The following CDK19 variants were observed in gnomAD, a reference collection of about 807,000 sequenced individuals.
The protein encoded by CDK19 is cyclin-dependent kinase 19.
CDK19 carries 20 observed loss-of-function variants against 68.3 expected under a neutral mutation model. The ratio of observed to expected loss-of-function variants is 0.29; its 90% CI spans 0.21 to 0.43. The LOEUF (loss-of-function observed/expected upper bound fraction) is 0.43. Ranked by LOEUF, CDK19 falls within the 20% of genes least tolerant of loss-of-function variation. CDK19 has a pLI of 1.00. For missense variants in CDK19, 339 were observed against 623.5 expected, an observed-to-expected ratio of 0.54 and a Z score of 4.86; for synonymous variants, 221 against 222.8, an observed-to-expected ratio of 0.99 and a Z score of 0.07.
chr6:110,764,324 T>C (rs1583048210), intron 1 of CDK19, among the ~76,000 whole-genome samples: 1 of 152,166 alleles, frequency 6.6e-6, no homozygotes, highest in Admixed American at 6.5e-5. Context: ...AAGAACAAAG[T>C]TGGAAGACTG....
intron 4 of CDK19, among the ~76,000 whole-genome samples, chr6:110,660,462 T>C (rs1486179693): frequency 3.3e-5 from 5 of 152,036 alleles, no homozygotes; most frequent in African/African-American, 7.3e-5. Flanking sequence ...CAGTGGAGGG[T>C]TGGTGTGACA....
chr6:110,617,016 G>T (rs1778356642), intron 12 of CDK19, among the ~76,000 whole-genome samples: 1 of 152,022 alleles, frequency 6.6e-6, no homozygotes, highest in Non-Finnish European at 1.5e-5. Flanking sequence ...TCTACTAATG[G>T]AACTGTTGGG....
intron 1 of CDK19, among the ~76,000 whole-genome samples, chr6:110,790,125 T>A (rs1476026822): frequency 6.6e-6 from 1 of 152,236 alleles, no homozygotes. Context: ...TTTCTGGACT[T>A]CTTCTGAGGC....
intron 2 of CDK19, among the ~76,000 whole-genome samples, chr6:110,671,384 G>A (rs904690073): frequency 6.6e-6 from 1 of 152,126 alleles, no homozygotes; most frequent in Non-Finnish European, 1.5e-5. Flanking sequence ...CACAGGTAAA[G>A]AGAAACATAT....
rs755396979 is a variant in CDK19, at chr6:110,752,813, C to T, written c.129-6612G>A. 2.3e-4 allele frequency among the ~76,000 whole-genome samples: 35 copies of T among 152,274 alleles called. 1 individual carries two copies. The highest frequency in any genetic ancestry group is 4.2e-4 in the South Asian group (2 of 4,818). On this transcript the variant is annotated intron_variant, in intron 1 of 12. Coordinates refer to ENST00000368911, the MANE Select transcript of CDK19 (RefSeq NM_015076.5). ...AAACTCTTGACCTCAAGCAATCCTC[C>T]TTCCTGGCCTCCCAAAGTACTGGAA...
chr6:110,630,830 T>C (rs1779393392), intron 6 of CDK19, among the ~76,000 whole-genome samples: 1 of 152,258 alleles, frequency 6.6e-6, no homozygotes, highest in African/African-American at 2.4e-5. Context: ...TTATCAATAA[T>C]TTACAATATT....
At chr6:110,779,033 T>G (rs1361303167) in intron 1 of CDK19, among the ~76,000 whole-genome samples, 2 of 152,220 alleles carry the variant, frequency 1.3e-5, no homozygotes, top group East Asian at 3.9e-4. Context: ...TGAGACCACC[T>G]GTTTTGTACT....
At position 110,769,574 on chromosome 6, in the gene CDK19, A is replaced by AT. The variant is rs1562273683; in HGVS notation, c.129-23374_129-23373insA. On this transcript the variant is annotated intron_variant, in intron 1 of 12. Coordinates refer to ENST00000368911, the MANE Select transcript of CDK19 (RefSeq NM_015076.5). ...AGCAAGATTCCATCTCAAAAAAAAA[A>AT]AAAAATAATAATAATAATAATAATA... Among the ~76,000 whole-genome samples the AT allele has an allele frequency of 4.1e-5, 6 of 146,494 alleles. No homozygotes were observed. In the East Asian group the frequency reaches 7.8e-4, roughly 19 times the overall value.
intron 1 of CDK19, among the ~76,000 whole-genome samples, chr6:110,808,477 A>G (rs1219816063): frequency 2.0e-5 from 3 of 152,236 alleles, no homozygotes; most frequent in African/African-American, 7.2e-5. Context: ...TTGGCACTAC[A>G]ATAGAGTTGA....
chr6:110,781,713 A>G, intron 1 of CDK19, among the ~76,000 whole-genome samples: 1 of 151,990 alleles, frequency 6.6e-6, no homozygotes, highest in East Asian at 1.9e-4. Context: ...GCGTGTTGCC[A>G]CATCCTGGTA....
rs1582834457 is a variant in CDK19 at position 110,674,758 on chromosome 6, T to A, written c.205-4217A>T. Among the ~76,000 whole-genome samples, 5 of 152,050 alleles carry A rather than the reference T, an allele frequency of 3.3e-5. 1 individual carries two copies. The highest frequency in any genetic ancestry group is 3.3e-4 in the Admixed American group (5 of 15,268). On this transcript the variant is annotated intron_variant, in intron 2 of 12. Transcript: ENST00000368911. ...TCTACTAAAAATAGAAAAAATTAGC[T>A]GGGCGTAGTGGCAGGTACCTGTAAT...
chr6:110,630,028 A>G (rs1386746846), intron 6 of CDK19, among the ~76,000 whole-genome samples: 1 of 152,200 alleles, frequency 6.6e-6, no homozygotes, highest in African/African-American at 2.4e-5. Flanking sequence ...TCATTTCAAC[A>G]AGAGAAAAAT....
chr6:110,746,274 T>C lies in CDK19; in HGVS notation c.129-73A>G, dbSNP rs1583010063. The stretch of plus-strand genomic sequence containing the variant: ...TTCAAAATTATAACTACAAAAACAA[T>C]GGAAATGCACTTAATTTCTCAGTGA... On this transcript the variant is annotated intron_variant, in intron 1 of 12. Transcript: ENST00000368911. 1.4e-5 allele frequency: 12 copies of C among 853,956 alleles called. 1 individual carries two copies. The East Asian group carries it at 1.6e-4, about 11-fold the overall frequency. The allele number at this position is 853,956 out of a possible 1,614,324, so 52.9% of individuals were successfully genotyped here.
chr6:110,726,885 ATCC>A (rs1776353658), intron 2 of CDK19, among the ~76,000 whole-genome samples: 1 of 152,198 alleles, frequency 6.6e-6, no homozygotes, highest in Non-Finnish European at 1.5e-5. Flanking sequence ...CATTTTCATA[ATCC>A]CATAAAGTCT....
Position 110,632,147 on chromosome 6 carries a change from C to A in CDK19, c.529G>T (p.Ala177Ser). Residue 177 changes from alanine to serine, a missense_variant, in exon 6 of 13, where the codon GCC (alanine) becomes TCC (serine). Physicochemically the swap from Ala to Ser is moderately conservative, Grantham distance 99. Coordinates refer to ENST00000368911, the MANE Select transcript of CDK19 (RefSeq NM_015076.5). ...TTTAGAGGAGAATTGAATAATCTGG[C>A]AAAACCCATGTCAGCTAAAAAAATA... is the stretch of plus-strand genomic sequence containing the variant. ...GRVKIADMGF[A>S]RLFNSPLKPL... The A allele has an allele frequency of 6.2e-7, 1 of 1,603,234 alleles. No homozygotes were observed. The highest frequency in any genetic ancestry group is 8.5e-7 in the Non-Finnish European group (1 of 1,177,204).
At chr6:110,693,703 T>C (rs376857660) in intron 2 of CDK19, among the ~76,000 whole-genome samples, 43 of 152,218 alleles carry the variant, frequency 2.8e-4, no homozygotes, top group African/African-American at 9.4e-4. Flanking sequence ...ATAATCCCAT[T>C]GGCTTAAGAA....
intron 1 of CDK19, among the ~76,000 whole-genome samples, chr6:110,771,263 C>A (rs1779999379): frequency 6.6e-6 from 1 of 152,242 alleles, no homozygotes; most frequent in Non-Finnish European, 1.5e-5. Flanking sequence ...CAGCATCCAG[C>A]ATTTCCATAC....
At chr6:110,649,175 C>T (rs1780814293) in intron 4 of CDK19, among the ~76,000 whole-genome samples, 1 of 151,808 alleles carries the variant, frequency 6.6e-6, no homozygotes, top group East Asian at 1.9e-4. Context: ...GATTTTGTTC[C>T]TATGGAACAA....
intron 1 of CDK19, among the ~76,000 whole-genome samples, chr6:110,791,121 A>G (rs528265321): frequency 2.0e-5 from 3 of 152,198 alleles, no homozygotes; most frequent in African/African-American, 7.2e-5. Flanking sequence ...CAGTGAGCCA[A>G]GATCGCACCA....
Sources: allele counts gnomAD v4.1 joint callset (sites outside exome capture counted in the v4.1 genomes callset), GRCh38; gene constraint gnomAD v4.1.1; transcripts MANE v1.5; gene names NCBI Gene and HGNC (gene_info 2026-07-23, HGNC 2026-07-21).